The following GHR variants were observed in gnomAD, a reference collection of about 807,000 sequenced individuals.
GHR encodes the protein growth hormone receptor.
GHR carries 35 observed loss-of-function variants against 67.1 expected under a neutral mutation model. The observed-to-expected ratio is 0.52, with a 90% confidence interval of 0.40 to 0.69. GHR has a LOEUF of 0.69. GHR is among the 30% of genes least tolerant of loss of function. The pLI, the probability that GHR is intolerant of heterozygous loss-of-function variation, is 0.00. For synonymous variants in GHR, 272 were observed against 269.1 expected (o/e 1.01, Z -0.10); for missense variants, 792 against 764.6 (o/e 1.04, Z -0.42).
In GHR at chr5:42,695,058, G is replaced by A. The variant is rs1427482813; in HGVS notation, c.408G>A (p.Val136=). ...AGCTAACTAGCAATGGTGGTACAGT[G>A]GATGAAAAGTGTTTCTCTGTTGATG... ...CIKLTSNGGT[V]DEKCFSVDEI... is the part of the protein sequence containing the mutation. The change falls in exon 5 of 10, where the codon GTG becomes GTA. Residue 136 remains valine (V), a synonymous_variant. Transcript: ENST00000230882. 6.2e-7 allele frequency: 1 copy of A among 1,611,338 alleles called. No homozygotes were observed. Among genetic ancestry groups the A allele is most frequent in the Non-Finnish European group, 8.5e-7 (1 of 1,177,666 alleles).
chr5:42,487,930 C>A (rs1032663861), intron 1 of GHR, among the ~76,000 whole-genome samples: 4 of 152,198 alleles, frequency 2.6e-5, no homozygotes, highest in Non-Finnish European at 5.9e-5. Flanking sequence ...TAACCTTAAA[C>A]TCTTTCAGGC....
intron 3 of GHR, among the ~76,000 whole-genome samples, chr5:42,635,569 T>C (rs1754138007): frequency 6.6e-6 from 1 of 152,226 alleles, no homozygotes; most frequent in African/African-American, 2.4e-5. Context: ...GTTTCACACG[T>C]TAGTGCTTTA....
rs1005682906 is a variant in GHR, at chr5:42,626,305, C to G, written c.71-2733C>G. The stretch of plus-strand genomic sequence containing the variant: ...AAGTAATAGGTTGTTACCTATACTT[C>G]TAGCCAGTCAGCTGTAAATTGGTGT... On this transcript the variant is annotated intron_variant, in intron 2 of 9. Transcript: ENST00000230882. 2.0e-5 allele frequency among the ~76,000 whole-genome samples: 3 copies of G among 152,340 alleles called. No individual in the cohort carries two copies. In the South Asian group the frequency reaches 6.2e-4, roughly 32 times the overall value.
chr5:42,686,936 C>A (rs1356645524), intron 3 of GHR, among the ~76,000 whole-genome samples: 1 of 152,204 alleles, frequency 6.6e-6, no homozygotes, highest in African/African-American at 2.4e-5. Context: ...ACCCCATCGT[C>A]TCAGCCCAAA....
chr5:42,632,708 T>G, intron 3 of GHR, among the ~76,000 whole-genome samples: 1 of 152,116 alleles, frequency 6.6e-6, no homozygotes, highest in East Asian at 1.9e-4. Context: ...TTCACATACG[T>G]GGTAGCAGCA....
chr5:42,702,755 T>C (rs549479152), intron 6 of GHR, among the ~76,000 whole-genome samples: 2 of 152,018 alleles, frequency 1.3e-5, no homozygotes, highest in Non-Finnish European at 2.9e-5. Flanking sequence ...CTTTGTGCAC[T>C]CTATGCCTTC....
chr5:42,470,458 A>T (rs918373396), intron 1 of GHR, among the ~76,000 whole-genome samples: 1 of 152,108 alleles, frequency 6.6e-6, no homozygotes, highest in Non-Finnish European at 1.5e-5. Flanking sequence ...TTGTATTCCC[A>T]ATAGATTTCC....
intron 1 of GHR, among the ~76,000 whole-genome samples, chr5:42,560,732 A>G (rs548958921): frequency 7.2e-5 from 11 of 152,248 alleles, no homozygotes; most frequent in Admixed American, 5.9e-4. Flanking sequence ...AAGCAGTCCT[A>G]TGACCTTCTC....
At chr5:42,660,793 G>A (rs1242716834) in intron 3 of GHR, among the ~76,000 whole-genome samples, 1 of 152,174 alleles carries the variant, frequency 6.6e-6, no homozygotes, top group African/African-American at 2.4e-5. Flanking sequence ...GAAGACTTCA[G>A]ACGATCAAAT....
At chr5:42,590,862 T>C (rs530740940) in intron 2 of GHR, among the ~76,000 whole-genome samples, 15 of 152,346 alleles carry the variant, frequency 9.8e-5, no homozygotes, top group African/African-American at 3.4e-4. Flanking sequence ...GCTTTCTCTA[T>C]TGGATTTCTT....
intron 3 of GHR, among the ~76,000 whole-genome samples, chr5:42,675,732 T>C (rs1756540356): frequency 6.6e-6 from 1 of 152,190 alleles, no homozygotes; most frequent in Non-Finnish European, 1.5e-5. Context: ...CCAATAGTAG[T>C]ATATGTGCAA....
intron 3 of GHR, among the ~76,000 whole-genome samples, chr5:42,658,643 A>AT (rs541115680): frequency 1.3e-5 from 2 of 152,150 alleles, no homozygotes; most frequent in African/African-American, 4.8e-5. Context: ...ATCAAGGGTG[A>AT]TTTTTTTCCC....
chr5:42,450,480 C>T (rs1005486227), intron 1 of GHR, among the ~76,000 whole-genome samples: 8 of 152,066 alleles, frequency 5.3e-5, no homozygotes, highest in African/African-American at 1.7e-4. Flanking sequence ...TATCTCGTTT[C>T]ATTTCTTATT....
chr5:42,502,164 G>A (rs983866969), intron 1 of GHR, among the ~76,000 whole-genome samples: 3 of 152,102 alleles, frequency 2.0e-5, no homozygotes, highest in Admixed American at 6.6e-5. Flanking sequence ...AGGCACTGAG[G>A]TCCAGAAAGT....
At chr5:42,475,965 C>T (rs1579774421) in intron 1 of GHR, among the ~76,000 whole-genome samples, 2 of 148,130 alleles carry the variant, frequency 1.4e-5, no homozygotes, top group South Asian at 2.1e-4. Flanking sequence ...AGTGCAGTGG[C>T]GGGATCTCGG....
intron 1 of GHR, among the ~76,000 whole-genome samples, chr5:42,429,186 T>A (rs1397393888): frequency 1.3e-5 from 2 of 152,204 alleles, no homozygotes; most frequent in African/African-American, 4.8e-5. Context: ...GAAGGAGGAA[T>A]AAGGCACTCT....
chr5:42,493,090 A>C (rs1746182431), intron 1 of GHR, among the ~76,000 whole-genome samples: 1 of 152,172 alleles, frequency 6.6e-6, no homozygotes, highest in African/African-American at 2.4e-5. Flanking sequence ...TAAAATGAAA[A>C]TTGTGTTTTC....
At chr5:42,441,600 C>G (rs1743576275) in intron 1 of GHR, among the ~76,000 whole-genome samples, 1 of 152,008 alleles carries the variant, frequency 6.6e-6, no homozygotes, top group Non-Finnish European at 1.5e-5. Flanking sequence ...AGCTCCGCCT[C>G]CTGGGTTCAC....
In GHR at chr5:42,662,917, C is replaced by T. The variant is rs1755729026; in HGVS notation, c.137-25973C>T. Among the ~76,000 whole-genome samples, 6 of 152,254 alleles carry T rather than the reference C, an allele frequency of 3.9e-5. No individual in the cohort carries two copies. In the South Asian group the frequency reaches 1.2e-3, roughly 32 times the overall value. On this transcript the variant is annotated intron_variant, in intron 3 of 9. Coordinates refer to ENST00000230882, the MANE Select transcript of GHR (RefSeq NM_000163.5). ...ATAAAAAATGATAAAGAGGATATCACCACTGATCCCACAGAAATGCAAACT... is the reference window on the plus strand; with the variant it reads ...ATAAAAAATGATAAAGAGGATATCATCACTGATCCCACAGAAATGCAAACT...
Sources: gnomAD v4.1 joint callset for allele counts (sites outside exome capture counted in the v4.1 genomes callset) on GRCh38, gnomAD v4.1.1 for gene constraint, MANE v1.5 for transcripts, NCBI Gene and HGNC (gene_info 2026-07-23, HGNC 2026-07-21) for gene names.